The following DDX10 variants were observed in gnomAD, a reference collection of about 807,000 sequenced individuals.
DDX10 encodes probable ATP-dependent RNA helicase DDX10.
DDX10 carries 74 observed loss-of-function variants against 104.3 expected under a neutral mutation model. The observed-to-expected ratio is 0.71, with a 90% CI of 0.59 to 0.86. The LOEUF is 0.86. Ranked by LOEUF, DDX10 falls within the 40% of genes least tolerant of loss-of-function variation. The pLI, the probability that DDX10 is intolerant of heterozygous loss-of-function variation, is 0.00. For synonymous variants in DDX10, 351 were observed against 353.4 expected, an observed-to-expected ratio of 0.99 and a Z score of 0.08; for missense variants, 952 against 1,040.0, an observed-to-expected ratio of 0.92 and a Z score of 1.16.
At chr11:108,861,449 C>T (rs148575044) in intron 16 of DDX10, among the ~76,000 whole-genome samples, 2 of 152,198 alleles carry the variant, frequency 1.3e-5, no homozygotes, top group African/African-American at 4.8e-5. Flanking sequence ...GTGGCATAGT[C>T]ATATGATGAA....
rs141390892 is a variant in DDX10 at position 108,914,789 on chromosome 11, G to A, written c.2305-3084G>A. Among the ~76,000 whole-genome samples the A allele has an allele frequency of 6.7e-3, 1,006 of 149,918 alleles. 4 individuals carry two copies. The highest frequency in any genetic ancestry group is 0.011 in the Admixed American group (172 of 15,052). On this transcript the variant is annotated intron_variant, in intron 16 of 17. Transcript: ENST00000322536. The stretch of plus-strand genomic sequence containing the variant: ...ATTCAAAGAATTAAAGGAAAATATG[G>A]TATCAGTGAATGGAAAAATGTTCTG...
At position 108,678,422 on chromosome 11, in the gene DDX10, C is replaced by A. The variant is rs956940069; in HGVS notation, c.645C>A (p.Asp215Glu). Residue 215 changes from aspartate (D) to glutamate (E), a missense_variant, in exon 5 of 18, where the codon GAC becomes GAA. Transcript: ENST00000322536. ...MDETVSFHAT[D>E]LQMLVLDEAD... ...AAACAGTATCTTTTCATGCTACCGA[C>A]CTCCAAATGTTAGGTGAGTCAAATC... 3 of 1,601,146 alleles carry A rather than the reference C, an allele frequency of 1.9e-6. No individual in the cohort carries two copies. Among genetic ancestry groups the A allele is most frequent in the Non-Finnish European group, 2.6e-6 (3 of 1,174,708 alleles).
In DDX10 at chr11:108,903,883, G is replaced by A. The variant is rs376222083; in HGVS notation, c.2305-13990G>A. Among the ~76,000 whole-genome samples the A allele has an allele frequency of 4.5e-4, 68 of 152,008 alleles. 2 individuals carry two copies. In the South Asian group the frequency reaches 0.014, roughly 31 times the overall value. The stretch of plus-strand genomic sequence containing the variant: ...TGTTATAAATAATGCTGCTATGAAC[G>A]TTTATGTGCAGGTTTTTCTGTGGAT... On this transcript the variant is annotated intron_variant, in intron 16 of 17. Transcript: ENST00000322536.
At chr11:108,744,695 A>G (rs866831541) in intron 13 of DDX10, among the ~76,000 whole-genome samples, 4 of 152,194 alleles carry the variant, frequency 2.6e-5, no homozygotes, top group East Asian at 1.9e-4. Flanking sequence ...TCAGCCTTCA[A>G]TAAACTTACA....
At chr11:108,778,174 A>G (rs986047434) in intron 13 of DDX10, among the ~76,000 whole-genome samples, 2 of 152,212 alleles carry the variant, frequency 1.3e-5, no homozygotes, top group African/African-American at 2.4e-5. Context: ...GACTTTCTTC[A>G]CAGAATTGGA....
chr11:108,929,640 T>C (rs963635993), intron 17 of DDX10: 8 of 152,160 alleles, frequency 5.3e-5, no homozygotes, highest in African/African-American at 1.7e-4. Flanking sequence ...TGAGCCAGCA[T>C]TGAAATTCTC....
At chr11:108,681,246 AG>A (rs1261544712) in intron 6 of DDX10, among the ~76,000 whole-genome samples, 1 of 152,190 alleles carries the variant, frequency 6.6e-6, no homozygotes, top group Admixed American at 6.5e-5. Flanking sequence ...TAAATTACAA[AG>A]TTTTAGAAAA....
chr11:108,912,660 A>G (rs949660638), intron 16 of DDX10, among the ~76,000 whole-genome samples: 9 of 152,196 alleles, frequency 5.9e-5, no homozygotes, highest in African/African-American at 2.2e-4. Context: ...CCTAAATTAG[A>G]TAGCTACAAA....
At chr11:108,813,049 C>T (rs905792203) in intron 13 of DDX10, among the ~76,000 whole-genome samples, 11 of 144,430 alleles carry the variant, frequency 7.6e-5, no homozygotes, top group Admixed American at 2.8e-4. Context: ...TAAATTGGTA[C>T]AGAATTCATG....
chr11:108,923,364 A>G (rs1487473066), intron 17 of DDX10, among the ~76,000 whole-genome samples: 1 of 152,240 alleles, frequency 6.6e-6, no homozygotes, highest in African/African-American at 2.4e-5. Context: ...AGTCCATACA[A>G]TAAAGTTACA....
At chr11:108,909,077 A>C (rs748833707) in intron 16 of DDX10, among the ~76,000 whole-genome samples, 2 of 152,202 alleles carry the variant, frequency 1.3e-5, no homozygotes, top group Non-Finnish European at 2.9e-5. Flanking sequence ...CTTGGCATTT[A>C]TACTAATGAG....
At chr11:108,866,945 T>A (rs1863014367) in intron 16 of DDX10, among the ~76,000 whole-genome samples, 1 of 152,206 alleles carries the variant, frequency 6.6e-6, no homozygotes, top group Non-Finnish European at 1.5e-5. Context: ...TTGGAGAGAT[T>A]ATTTTTGACT....
chr11:108,802,029 G>GTGTT (rs1445145099), intron 13 of DDX10, among the ~76,000 whole-genome samples: 1 of 151,388 alleles, frequency 6.6e-6, no homozygotes, highest in African/African-American at 2.4e-5. Context: ...GTGTGTGTGT[G>GTGTT]TGTGTGTTTG....
chr11:108,936,682 C>T (rs1825162252), intron 17 of DDX10, among the ~76,000 whole-genome samples: 1 of 152,134 alleles, frequency 6.6e-6, no homozygotes, highest in African/African-American at 2.4e-5. Flanking sequence ...TATCTCATTT[C>T]TAATTTTATA....
intron 13 of DDX10, among the ~76,000 whole-genome samples, chr11:108,754,366 G>A (rs2094342100): frequency 6.6e-6 from 1 of 151,944 alleles, no homozygotes; most frequent in African/African-American, 2.4e-5. Flanking sequence ...AATTTTTAAG[G>A]TTTATGTTGA....
chr11:108,699,737 T>C (rs1217752958), intron 9 of DDX10, among the ~76,000 whole-genome samples: 1 of 152,062 alleles, frequency 6.6e-6, no homozygotes, highest in Non-Finnish European at 1.5e-5. Context: ...TTATTGGGAG[T>C]TGTTTTATAA....
chr11:108,698,909 T>C (rs1239419278), intron 9 of DDX10, among the ~76,000 whole-genome samples: 1 of 152,234 alleles, frequency 6.6e-6, no homozygotes, highest in Non-Finnish European at 1.5e-5. Flanking sequence ...GCCTTTATAC[T>C]GGTGCTGTCT....
intron 13 of DDX10, among the ~76,000 whole-genome samples, chr11:108,772,634 G>T (rs773395727): frequency 5.3e-5 from 8 of 152,230 alleles, no homozygotes; most frequent in Non-Finnish European, 7.3e-5. Context: ...GTGGGAATTT[G>T]CAGCCTACCG....
chr11:108,718,587 G>A (rs4027488), intron 11 of DDX10, among the ~76,000 whole-genome samples: 71,083 of 152,008 alleles, frequency 0.47, 19,611 homozygotes, highest in Non-Finnish European at 0.61. Context: ...ACATTGGAAA[G>A]ATGTTTTTTC....
Sources: allele counts gnomAD v4.1 joint callset (sites outside exome capture counted in the v4.1 genomes callset), GRCh38; gene constraint gnomAD v4.1.1; transcripts MANE v1.5; gene names NCBI Gene and HGNC (gene_info 2026-07-23, HGNC 2026-07-21).